The following SAMTOR variants were observed in gnomAD, a reference collection of about 807,000 sequenced individuals.
SAMTOR encodes UPF0532 protein C7orf60.
chr7:112,844,391 G>A, the SAMTOR span, among the ~76,000 whole-genome samples: 1 of 152,006 alleles, frequency 6.6e-6, no homozygotes, highest in Admixed American at 6.6e-5. Context: ...CATGGTCTTG[G>A]CCCAAAAGCA....
chr7:112,835,470 A>G, the SAMTOR span, among the ~76,000 whole-genome samples: 1 of 152,110 alleles, frequency 6.6e-6, no homozygotes, highest in East Asian at 1.9e-4. Context: ...TACTACCCTT[A>G]ATAAAGTTGA....
At chr7:112,934,198 TTTC>T in the SAMTOR span, among the ~76,000 whole-genome samples, 1 of 152,146 alleles carries the variant, frequency 6.6e-6, no homozygotes. Context: ...TGGTTCCACT[TTTC>T]TTCTTCCAAA....
chr7:112,854,285 T>A, the SAMTOR span, among the ~76,000 whole-genome samples: 147 of 152,258 alleles, frequency 9.7e-4, no homozygotes, highest in African/African-American at 3.4e-3. Context: ...TGGTTAAAGA[T>A]TATTGGTTTT....
chr7:112,906,670 C>T, the SAMTOR span, among the ~76,000 whole-genome samples: 1 of 150,804 alleles, frequency 6.6e-6, no homozygotes, highest in Non-Finnish European at 1.5e-5. Flanking sequence ...CTCCTGGGTT[C>T]AAGTGATTCT....
At chr7:112,875,427 CTCT>C in the SAMTOR span, among the ~76,000 whole-genome samples, 1 of 152,118 alleles carries the variant, frequency 6.6e-6, no homozygotes, top group African/African-American at 2.4e-5. Flanking sequence ...TCTACCTTTT[CTCT>C]TCTTCTAAGC....
chr7:112,920,288 G>C, the SAMTOR span, among the ~76,000 whole-genome samples: 5 of 152,152 alleles, frequency 3.3e-5, no homozygotes, highest in Admixed American at 1.3e-4. Context: ...TGCAAGGCTG[G>C]TTCAATACAC....
At chr7:112,922,943 C>T in the SAMTOR span, among the ~76,000 whole-genome samples, 1 of 143,250 alleles carries the variant, frequency 7.0e-6, no homozygotes. Flanking sequence ...AGTGAGGAGC[C>T]CCTCTGCCCG....
At chr7:112,860,106 C>G in the SAMTOR span, among the ~76,000 whole-genome samples, 5 of 152,114 alleles carry the variant, frequency 3.3e-5, no homozygotes, top group Non-Finnish European at 7.3e-5. Flanking sequence ...TTTAGATACA[C>G]AAATACCATT....
At chr7:112,869,113 GCCA>G in the SAMTOR span, among the ~76,000 whole-genome samples, 1 of 152,194 alleles carries the variant, frequency 6.6e-6, no homozygotes, top group Non-Finnish European at 1.5e-5. Flanking sequence ...TGAAGCACAA[GCCA>G]CTGAAGGGGG....
chr7:112,859,200 G>T, the SAMTOR span, among the ~76,000 whole-genome samples: 6,368 of 152,220 alleles, frequency 0.042, 346 homozygotes, highest in African/African-American at 0.12. Flanking sequence ...CGATTCATGT[G>T]CATCAGTTCC....
the SAMTOR span, among the ~76,000 whole-genome samples, chr7:112,849,234 T>A: frequency 6.6e-6 from 1 of 152,164 alleles, no homozygotes; most frequent in Admixed American, 6.5e-5. Flanking sequence ...CACACATATG[T>A]ATATGGCAGT....
At chr7:112,908,127 G>A in the SAMTOR span, among the ~76,000 whole-genome samples, 3 of 152,122 alleles carry the variant, frequency 2.0e-5, no homozygotes, top group Non-Finnish European at 4.4e-5. Context: ...TTAATTTTAG[G>A]TATCAATTGT....
the SAMTOR span, among the ~76,000 whole-genome samples, chr7:112,872,174 AAAC>A: frequency 6.6e-6 from 1 of 152,170 alleles, no homozygotes; most frequent in African/African-American, 2.4e-5. Context: ...CACAATGAAA[AAAC>A]AACAATAAAC....
At chr7:112,864,571 G>A in the SAMTOR span, among the ~76,000 whole-genome samples, 1 of 152,110 alleles carries the variant, frequency 6.6e-6, no homozygotes, top group East Asian at 1.9e-4. Flanking sequence ...AAGGCTTAGA[G>A]AGTGACTGAG....
the SAMTOR span, among the ~76,000 whole-genome samples, chr7:112,882,280 C>T: frequency 6.6e-6 from 1 of 152,348 alleles, no homozygotes; most frequent in South Asian, 2.1e-4. Flanking sequence ...AACAACCTGC[C>T]AGGCTGAGTC....
the SAMTOR span, among the ~76,000 whole-genome samples, chr7:112,881,495 G>C: frequency 6.6e-6 from 1 of 152,144 alleles, no homozygotes; most frequent in African/African-American, 2.4e-5. Context: ...AAAAACCCTT[G>C]ACTCAGCCAG....
the SAMTOR span, among the ~76,000 whole-genome samples, chr7:112,884,161 C>G: frequency 6.6e-6 from 1 of 152,092 alleles, no homozygotes; most frequent in Non-Finnish European, 1.5e-5. Context: ...CCCCATTATT[C>G]AATTACCTTC....
chr7:112,867,536 A>G, the SAMTOR span, among the ~76,000 whole-genome samples: 44 of 152,338 alleles, frequency 2.9e-4, no homozygotes, highest in Admixed American at 2.7e-3. Flanking sequence ...TGAAGAAGTT[A>G]TGGTGTCTAT....
chr7:112,929,236 G>A, the SAMTOR span, among the ~76,000 whole-genome samples: 1 of 149,664 alleles, frequency 6.7e-6, no homozygotes, highest in Non-Finnish European at 1.5e-5. Context: ...ACCTCAAACT[G>A]AATAGCAAAA....
Sources: allele counts gnomAD v4.1 joint callset (sites outside exome capture counted in the v4.1 genomes callset), GRCh38; gene constraint gnomAD v4.1.1; transcripts MANE v1.5; gene names NCBI Gene and HGNC (gene_info 2026-07-23, HGNC 2026-07-21).